The following ERC2 variants were observed in gnomAD, a reference collection of about 807,000 sequenced individuals.
The protein encoded by ERC2 is ELKS/RAB6-interacting/CAST family member 2.
Under a neutral mutation model 114.8 loss-of-function variants are expected in ERC2, and 42 were observed. The observed-to-expected ratio is 0.37, with a 90% CI of 0.29 to 0.47. The LOEUF (loss-of-function observed/expected upper bound fraction) is 0.47. Among genes scored for constraint, ERC2 ranks in the 20% least tolerant of loss-of-function variants. The pLI, the probability that ERC2 is intolerant of heterozygous loss-of-function variation, is 0.99. For missense variants in ERC2, 939 were observed against 1,150.7 expected, an observed-to-expected ratio of 0.82 and a Z score of 2.66; for synonymous variants, 454 against 425.5, an observed-to-expected ratio of 1.07 and a Z score of -0.82.
chr3:55,915,600 A>G (rs1394382075), intron 13 of ERC2, among the ~76,000 whole-genome samples: 2 of 152,206 alleles, frequency 1.3e-5, no homozygotes, highest in Non-Finnish European at 2.9e-5. Context: ...GGGGATGTAC[A>G]ATAACATCCC....
chr3:56,061,665 A>T (rs1223461174), intron 7 of ERC2, among the ~76,000 whole-genome samples: 4 of 152,254 alleles, frequency 2.6e-5, no homozygotes, highest in Non-Finnish European at 5.9e-5. Context: ...AATGGAAATG[A>T]AATACTAAAC....
intron 17 of ERC2, among the ~76,000 whole-genome samples, chr3:55,550,987 G>A (rs1490841871): frequency 1.4e-5 from 2 of 147,774 alleles, no homozygotes; most frequent in African/African-American, 5.0e-5. Context: ...CTGCACTCCA[G>A]CCTGGGTGAC....
intron 2 of ERC2, among the ~76,000 whole-genome samples, chr3:56,312,982 T>C (rs2056665260): frequency 1.1e-5 from 1 of 93,526 alleles, no homozygotes; most frequent in Non-Finnish European, 2.2e-5. Context: ...GTCCTTAATA[T>C]TTAGTGAATA....
intron 13 of ERC2, among the ~76,000 whole-genome samples, chr3:55,898,818 T>C (rs2063969117): frequency 6.6e-6 from 1 of 152,192 alleles, no homozygotes; most frequent in Non-Finnish European, 1.5e-5. Flanking sequence ...CAAACCAAAT[T>C]AATCATACAC....
chr3:55,885,513 G>T (rs1182028869), intron 14 of ERC2, among the ~76,000 whole-genome samples: 1 of 152,158 alleles, frequency 6.6e-6, no homozygotes, highest in Non-Finnish European at 1.5e-5. Context: ...TTTCACCAAA[G>T]GAATTAACAC....
chr3:56,268,142 A>G (rs1304747705), intron 3 of ERC2, among the ~76,000 whole-genome samples: 3 of 152,198 alleles, frequency 2.0e-5, no homozygotes, highest in African/African-American at 7.2e-5. Flanking sequence ...TGATTATAAT[A>G]CTGTATTTTT....
At chr3:56,217,030 A>AT (rs1402702834) in intron 3 of ERC2, among the ~76,000 whole-genome samples, 2 of 152,224 alleles carry the variant, frequency 1.3e-5, no homozygotes, top group East Asian at 3.8e-4. Flanking sequence ...CCCACAGCCA[A>AT]TATCATACTG....
intron 3 of ERC2, among the ~76,000 whole-genome samples, chr3:56,280,854 G>A (rs2054294189): frequency 6.6e-6 from 1 of 152,180 alleles, no homozygotes; most frequent in Non-Finnish European, 1.5e-5. Flanking sequence ...TTACCCTGAG[G>A]AAGTTACAAA....
At chr3:55,975,994 C>T (rs2069562285) in intron 12 of ERC2, among the ~76,000 whole-genome samples, 1 of 152,212 alleles carries the variant, frequency 6.6e-6, no homozygotes, top group African/African-American at 2.4e-5. Context: ...TCACCCTGCG[C>T]CATGGGTAAT....
At chr3:55,578,355 C>T (rs952169405) in intron 17 of ERC2, among the ~76,000 whole-genome samples, 7 of 152,094 alleles carry the variant, frequency 4.6e-5, no homozygotes, top group Admixed American at 6.5e-5. Flanking sequence ...AAGCCCACCT[C>T]GGGGCCTTCC....
chr3:56,199,501 T>C (rs1489905172), intron 3 of ERC2, among the ~76,000 whole-genome samples: 1 of 151,958 alleles, frequency 6.6e-6, no homozygotes, highest in Non-Finnish European at 1.5e-5. Flanking sequence ...AATAACATGA[T>C]ACACCACACA....
chr3:55,655,618 T>C (rs532938907), intron 17 of ERC2, among the ~76,000 whole-genome samples: 1 of 152,318 alleles, frequency 6.6e-6, no homozygotes, highest in South Asian at 2.1e-4. Flanking sequence ...TTTCCCTCAT[T>C]GACATTTCCA....
At chr3:55,663,295 C>T (rs765004588) in intron 17 of ERC2, among the ~76,000 whole-genome samples, 2 of 152,216 alleles carry the variant, frequency 1.3e-5, no homozygotes, top group South Asian at 2.1e-4. Context: ...TTCCAATGTA[C>T]CTGCCAGAGC....
chr3:55,699,091 C>T (rs955761460), intron 16 of ERC2, among the ~76,000 whole-genome samples: 2 of 151,988 alleles, frequency 1.3e-5, no homozygotes, highest in African/African-American at 4.8e-5. Context: ...CAAAGTAACC[C>T]GCCATGAGAT....
intron 17 of ERC2, among the ~76,000 whole-genome samples, chr3:55,549,442 T>C (rs375340354): frequency 5.3e-5 from 8 of 151,162 alleles, no homozygotes; most frequent in African/African-American, 1.9e-4. Context: ...CCTGAGACAA[T>C]ATGGAAACCA....
intron 7 of ERC2, among the ~76,000 whole-genome samples, chr3:56,025,033 A>G (rs1438279270): frequency 6.6e-6 from 1 of 152,206 alleles, no homozygotes; most frequent in Non-Finnish European, 1.5e-5. Context: ...GGAACTGCAC[A>G]CTGATCAAGT....
chr3:55,523,525 C>A (rs922027432), intron 17 of ERC2, among the ~76,000 whole-genome samples: 5 of 152,184 alleles, frequency 3.3e-5, no homozygotes, highest in African/African-American at 7.2e-5. Context: ...GACTTCCCTT[C>A]CTGGTCCAAT....
chr3:55,810,299 A>C (rs2059665018), intron 14 of ERC2, among the ~76,000 whole-genome samples: 1 of 152,098 alleles, frequency 6.6e-6, no homozygotes, highest in South Asian at 2.1e-4. Context: ...ACACTGGTAA[A>C]TATCCCTCCA....
Position 55,622,819 on chromosome 3 carries a change from T to C in ERC2, c.*39+60975A>G, listed in dbSNP as rs547487176. On this transcript the variant is annotated intron_variant, in intron 17 of 17. Coordinates refer to ENST00000288221, the MANE Select transcript of ERC2 (RefSeq NM_015576.3). ...TGAGTGCTTGAGTTCCTCCTCCTCA[T>C]ATTAGAGGAGGAGTGAGGGCTCCAG... Among the ~76,000 whole-genome samples, 4 of 151,992 alleles carry C rather than the reference T, an allele frequency of 2.6e-5. No homozygotes were observed. The South Asian group carries it at 8.3e-4, about 32-fold the overall frequency.
Sources: allele counts gnomAD v4.1 joint callset (sites outside exome capture counted in the v4.1 genomes callset), GRCh38; gene constraint gnomAD v4.1.1; transcripts MANE v1.5; gene names NCBI Gene and HGNC (gene_info 2026-07-23, HGNC 2026-07-21).